The following SCML4 variants were observed in gnomAD, a reference collection of about 807,000 sequenced individuals.
SCML4 encodes sex comb on midleg-like protein 4.
A neutral mutation model predicts 41.1 loss-of-function variants in SCML4; 34 were observed. The observed-to-expected ratio is 0.83, with a 90% confidence interval of 0.63 to 1.10. SCML4 has a LOEUF of 1.10. SCML4 is among the 50% of genes least tolerant of loss of function. The probability of loss-of-function intolerance (pLI) is 0.00; values close to 1 mark genes in which losing one functional copy is unlikely to be tolerated. For missense variants in SCML4, 522 were observed against 534.1 expected, an observed-to-expected ratio of 0.98 and a Z score of 0.22; for synonymous variants, 214 against 220.9, an observed-to-expected ratio of 0.97 and a Z score of 0.28.
chr6:107,836,838 T>C, the SCML4 span, among the ~76,000 whole-genome samples: 1 of 152,210 alleles, frequency 6.6e-6, no homozygotes, highest in South Asian at 2.1e-4. Context: ...CTTGTGTACA[T>C]GTCTTGTTAA....
rs752778843 is a variant in SCML4, at chr6:107,720,818, G to C, written c.858C>G (p.Thr286=). The C allele has an allele frequency of 2.7e-5, 43 of 1,613,988 alleles. No homozygotes were observed. The highest frequency in any genetic ancestry group is 3.6e-5 in the Non-Finnish European group (43 of 1,179,980). The part of the protein sequence containing the change: ...DSHLGGGPAA[T]AGGPRTSPMS... The stretch of plus-strand genomic sequence containing the variant: ...TGGGGCTAGTGCGGGGACCACCAGC[G>C]GTGGCAGCAGGACCACCCCCAAGGT... The change falls in exon 6 of 8, where the codon ACC becomes ACG. Residue 286 remains threonine (T), a synonymous_variant. Coordinates refer to ENST00000369020, the MANE Select transcript of SCML4 (RefSeq NM_198081.5).
chr6:107,829,163 T>C (rs1267009930), upstream of SCML4, among the ~76,000 whole-genome samples: 1 of 152,108 alleles, frequency 6.6e-6, no homozygotes, highest in Non-Finnish European at 1.5e-5. Flanking sequence ...GAGAATCGCT[T>C]GAGTCCAGGA....
intron 2 of SCML4, among the ~76,000 whole-genome samples, chr6:107,762,876 C>CTTTTTTTTTTTTTTTTTTTTT (rs57370632): frequency 1.1e-5 from 1 of 89,704 alleles, no homozygotes; most frequent in African/African-American, 4.6e-5. Flanking sequence ...TAAATGCACT[C>CTTTTTTTTTTTTTTTTTTTTT]TTTTTTTTTT....
Position 107,748,852 on chromosome 6 carries a change from G to T in SCML4, c.286+832C>A, listed in dbSNP as rs1200870702. Among the ~76,000 whole-genome samples the T allele has an allele frequency of 2.0e-5, 3 of 152,184 alleles. No individual in the cohort carries two copies. In the East Asian group the frequency reaches 5.8e-4, roughly 29 times the overall value. On this transcript the variant is annotated intron_variant, in intron 3 of 7. Coordinates refer to ENST00000369020, the MANE Select transcript of SCML4 (RefSeq NM_198081.5). ...GTTCGTGAGGACCTTCTGGGGAGAA[G>T]TATGCTTGATCTGAGATATAAGGGA... is the stretch of plus-strand genomic sequence containing the variant.
chr6:107,817,062 T>C (rs1353861100), intron 1 of SCML4, among the ~76,000 whole-genome samples: 1 of 152,232 alleles, frequency 6.6e-6, no homozygotes, highest in Non-Finnish European at 1.5e-5. Flanking sequence ...TATCTGCTGT[T>C]AAAAATTTAC....
chr6:107,716,720 A>T (rs1015351669), intron 6 of SCML4, among the ~76,000 whole-genome samples: 1 of 152,168 alleles, frequency 6.6e-6, no homozygotes, highest in Non-Finnish European at 1.5e-5. Context: ...GTTACTTTGC[A>T]CTTCTTCCTC....
intron 1 of SCML4, among the ~76,000 whole-genome samples, chr6:107,796,312 T>C (rs959489177): frequency 6.6e-6 from 1 of 152,240 alleles, no homozygotes; most frequent in Non-Finnish European, 1.5e-5. Flanking sequence ...TTGCTCCATA[T>C]CCTGACCGAA....
chr6:107,778,219 AAAAATATATATATATATATATATATAT>A (rs1781165279), intron 1 of SCML4, among the ~76,000 whole-genome samples: 1 of 5,640 alleles, frequency 1.8e-4, no homozygotes, highest in African/African-American at 3.2e-4. Flanking sequence ...AAAAAAAAAA[AAAAATATATATATATATATATATATAT>A]ATATATATAT....
intron 1 of SCML4, among the ~76,000 whole-genome samples, chr6:107,808,381 C>A (rs989399792): frequency 6.6e-6 from 1 of 152,078 alleles, no homozygotes; most frequent in African/African-American, 2.4e-5. Context: ...GTGTGGGGAG[C>A]CAGGGTCCCA....
At chr6:107,711,022 C>CTT (rs1183200853) in intron 6 of SCML4, among the ~76,000 whole-genome samples, 3 of 47,276 alleles carry the variant, frequency 6.3e-5, no homozygotes, top group Admixed American at 2.8e-4. Context: ...TGCACAAACT[C>CTT]TTTTTTTTTT....
chr6:107,726,084 A>C (rs1775932831), intron 5 of SCML4, among the ~76,000 whole-genome samples: 1 of 151,788 alleles, frequency 6.6e-6, no homozygotes, highest in Non-Finnish European at 1.5e-5. Flanking sequence ...CTCAAAAAAA[A>C]AAAAAAAAAA....
At chr6:107,744,878 A>G in intron 5 of SCML4, 71 bp downstream of exon 5, 1 of 1,281,276 alleles carries the variant, frequency 7.8e-7, no homozygotes, top group Non-Finnish European at 1.1e-6. Context: ...GGCTCCCTCC[A>G]TAGTGGAAGG....
intron 6 of SCML4, among the ~76,000 whole-genome samples, chr6:107,708,310 C>T (rs1462908424): frequency 2.0e-5 from 3 of 152,104 alleles, no homozygotes; most frequent in African/African-American, 7.2e-5. Flanking sequence ...GGAATTCCCA[C>T]CCTCGTTGGA....
the SCML4 span, among the ~76,000 whole-genome samples, chr6:107,844,840 T>C: frequency 7.2e-5 from 11 of 151,852 alleles, no homozygotes; most frequent in African/African-American, 2.4e-4. Context: ...GCTGAGAGGA[T>C]TGCTTGAGGC....
chr6:107,812,195 A>C (rs1286413685), intron 1 of SCML4, among the ~76,000 whole-genome samples: 1 of 152,232 alleles, frequency 6.6e-6, no homozygotes, highest in African/African-American at 2.4e-5. Flanking sequence ...CATTCCCAGA[A>C]TTAGTCACCA....
chr6:107,776,810 T>C (rs1364970223), intron 1 of SCML4, among the ~76,000 whole-genome samples: 1 of 152,226 alleles, frequency 6.6e-6, no homozygotes, highest in Non-Finnish European at 1.5e-5. Context: ...AGTGAAATAC[T>C]GAAAGCAATC....
chr6:107,806,623 C>T (rs751771974), intron 1 of SCML4, among the ~76,000 whole-genome samples: 3 of 152,344 alleles, frequency 2.0e-5, no homozygotes, highest in East Asian at 1.9e-4. Flanking sequence ...CGGCACTGGA[C>T]CATCACAGAA....
intron 1 of SCML4, among the ~76,000 whole-genome samples, chr6:107,794,894 A>G (rs186909001): frequency 2.0e-5 from 3 of 152,214 alleles, no homozygotes; most frequent in East Asian, 3.9e-4. Flanking sequence ...GCCAGCAACT[A>G]CATCACTCCA....
chr6:107,822,599 G>C (rs1785031708), intron 1 of SCML4, among the ~76,000 whole-genome samples: 2 of 148,444 alleles, frequency 1.3e-5, no homozygotes, highest in East Asian at 3.9e-4. Context: ...GGATTTTTGT[G>C]GGCTTTGCAC....
Sources: gnomAD v4.1 joint callset for allele counts (sites outside exome capture counted in the v4.1 genomes callset) on GRCh38, gnomAD v4.1.1 for gene constraint, MANE v1.5 for transcripts, NCBI Gene and HGNC (gene_info 2026-07-23, HGNC 2026-07-21) for gene names.